The following LRP5 variants were observed in gnomAD, a reference collection of about 807,000 sequenced individuals.
LRP5 encodes LDL receptor related protein 5, also known as low-density lipoprotein receptor-related protein 5.
A neutral mutation model predicts 154.1 loss-of-function variants in LRP5; 62 were observed. The observed-to-expected ratio is 0.40, with a 90% CI of 0.33 to 0.50. The LOEUF (loss-of-function observed/expected upper bound fraction) is 0.50, where lower values mean the gene tolerates loss of function less well. LRP5 is among the 20% of genes least tolerant of loss of function. The probability of loss-of-function intolerance (pLI) is 0.55; values close to 1 mark genes in which losing one functional copy is unlikely to be tolerated. For synonymous variants in LRP5, 966 were observed against 1,011.5 expected, an observed-to-expected ratio of 0.96 and a Z score of 0.85; for missense variants, 1,915 against 2,336.7, an observed-to-expected ratio of 0.82 and a Z score of 3.72.
chr11:68,367,729 G>A (rs531654549), intron 5 of LRP5, among the ~76,000 whole-genome samples: 24 of 152,296 alleles, frequency 1.6e-4, no homozygotes, highest in African/African-American at 5.1e-4. Context: ...GCCGGGGGAC[G>A]GAGGGGAGAG....
At position 68,312,668 on chromosome 11, in the gene LRP5, T is replaced by C; in HGVS notation, c.-47T>C. 4 of 872,906 alleles carry C rather than the reference T, an allele frequency of 4.6e-6. No homozygotes were observed. The highest frequency in any genetic ancestry group is 5.5e-6 in the Non-Finnish European group (4 of 727,400). The allele number at this position is 872,906 out of a possible 1,614,324, so 54.1% of individuals were successfully genotyped here. On this transcript the variant is annotated 5_prime_UTR_variant, in exon 1 of 23. The change abolishes an upstream ATG in the 5' untranslated region. Coordinates refer to ENST00000294304, the MANE Select transcript of LRP5 (RefSeq NM_002335.4). ...GCGAGGAGCCGCCGCCGCCGCGCCA[T>C]GGAGCCCGAGTGAGCGCGGCGCGGG... is the stretch of plus-strand genomic sequence containing the variant.
At chr11:68,414,431 G>A (rs1220387495) in intron 12 of LRP5, among the ~76,000 whole-genome samples, 3 of 152,164 alleles carry the variant, frequency 2.0e-5, no homozygotes, top group Non-Finnish European at 2.9e-5. Context: ...ACCCATCCAA[G>A]GCCATACAAC....
At chr11:68,366,676 A>G (rs981089774) in intron 5 of LRP5, among the ~76,000 whole-genome samples, 1 of 152,142 alleles carries the variant, frequency 6.6e-6, no homozygotes, top group South Asian at 2.1e-4. Flanking sequence ...TAATGAAGAC[A>G]TGGCTGTTAC....
At chr11:68,319,246 T>C (rs1307709114) in intron 1 of LRP5, among the ~76,000 whole-genome samples, 2 of 152,154 alleles carry the variant, frequency 1.3e-5, no homozygotes, top group Non-Finnish European at 2.9e-5. Context: ...TTTTGTATTT[T>C]TAGTAGAGAC....
chr11:68,334,526 T>C (rs1423345876), intron 1 of LRP5, among the ~76,000 whole-genome samples: 1 of 152,226 alleles, frequency 6.6e-6, no homozygotes, highest in Non-Finnish European at 1.5e-5. Flanking sequence ...CTGTAGGTAC[T>C]GCCACACACA....
rs35298380 is a variant in LRP5, at chr11:68,410,030, C to T, written c.2208C>T (p.Asp736=). 181 of 1,614,080 alleles carry T rather than the reference C, an allele frequency of 1.1e-4. No homozygotes were observed. Among genetic ancestry groups the T allele is most frequent in the Non-Finnish European group, 1.5e-4 (174 of 1,179,992 alleles). ...TGGGCAAGAACCTCTACTGGGCCGA[C>T]ACTGGGACCAACAGAATCGAAGTGG... ...DWMGKNLYWA[D]TGTNRIEVAR... Residue 736 remains aspartate (D), a synonymous_variant, in exon 10 of 23, where the codon GAC becomes GAT. Transcript: ENST00000294304.
Position 68,341,059 on chromosome 11 carries a change from C to CCTTTTTTTTTTTTTTTTTTTTTTTTTTT in LRP5, c.92-6788_92-6787insCTTTTTTTTTTTTTTTTTTTTTTTTTTT, listed in dbSNP as rs1555071026. Among the ~76,000 whole-genome samples the CCTTTTTTTTTTTTTTTTTTTTTTTTTTT allele has an allele frequency of 8.1e-4, 68 of 83,476 alleles. 4 individuals are homozygous for CCTTTTTTTTTTTTTTTTTTTTTTTTTTT. The highest frequency in any genetic ancestry group is 1.4e-3 in the African/African-American group (29 of 21,016). 54.8% of individuals were successfully genotyped at this position (83,476 alleles called of 152,430 possible). A position where few individuals can be genotyped will look rare whatever the true frequency, so the allele number is the denominator to read the frequency against. ...GTTACCCCTGCCGCTGGAGATTGTT[C>CCTTTTTTTTTTTTTTTTTTTTTTTTTTT]TTTTTTTTTTTTTTTTTTTGCTATT... On this transcript the variant is annotated intron_variant, in intron 1 of 22. Transcript: ENST00000294304.
intron 17 of LRP5, among the ~76,000 whole-genome samples, chr11:68,431,745 C>G (rs7125942): frequency 0.094 from 14,307 of 152,230 alleles, 895 homozygotes; most frequent in African/African-American, 0.17. Flanking sequence ...TGCAACCCAA[C>G]GGTGTCTGTG....
At chr11:68,335,013 G>T (rs1214827700) in intron 1 of LRP5, among the ~76,000 whole-genome samples, 2 of 151,574 alleles carry the variant, frequency 1.3e-5, no homozygotes, top group Non-Finnish European at 2.9e-5. Flanking sequence ...GAAACATCGG[G>T]CTAGGTTCCT....
intron 11 of LRP5, among the ~76,000 whole-genome samples, chr11:68,412,194 G>A (rs913254722): frequency 6.6e-6 from 1 of 152,170 alleles, no homozygotes; most frequent in Non-Finnish European, 1.5e-5. Flanking sequence ...AGCAACAGGA[G>A]CAGGATTTGA....
intron 13 of LRP5, among the ~76,000 whole-genome samples, chr11:68,418,163 T>C (rs183141608): frequency 1.3e-5 from 2 of 151,374 alleles, no homozygotes; most frequent in African/African-American, 4.8e-5. Context: ...TCCTAGCACT[T>C]TGGGAGGCCG....
chr11:68,323,866 G>A (rs1418519440), intron 1 of LRP5, among the ~76,000 whole-genome samples: 6 of 152,214 alleles, frequency 3.9e-5, no homozygotes, highest in Admixed American at 3.3e-4. Flanking sequence ...TCGCTGCTCA[G>A]GGGGCCCAGG....
chr11:68,376,318 A>G (rs894954215), intron 5 of LRP5, among the ~76,000 whole-genome samples: 7 of 151,656 alleles, frequency 4.6e-5, no homozygotes, highest in Non-Finnish European at 8.8e-5. Context: ...AGTAGCTTGG[A>G]CTATAGGCAC....
chr11:68,384,668 C>G (rs1345163717), intron 5 of LRP5, among the ~76,000 whole-genome samples: 1 of 152,156 alleles, frequency 6.6e-6, no homozygotes, highest in Non-Finnish European at 1.5e-5. Context: ...AACTGGGGGT[C>G]CTAGGACACA....
In LRP5 at chr11:68,386,356, A is replaced by G; in HGVS notation, c.1056A>G (p.Leu352=). 1 of 1,613,234 alleles carries G rather than the reference A, an allele frequency of 6.2e-7. No individual in the cohort carries two copies. The highest frequency in any genetic ancestry group is 8.5e-7 in the Non-Finnish European group (1 of 1,179,962). Residue 352 remains leucine, a synonymous_variant, in exon 6 of 23, where the codon CTA becomes CTG. Coordinates refer to ENST00000294304, the MANE Select transcript of LRP5 (RefSeq NM_002335.4). This position sits in a 1 kb window ranked among gnomAD's most constrained non-coding sequence, Gnocchi z 7.9. ...TGCTGCTGGCCCGGCGGACGGACCT[A>G]CGGAGGATCTCGCTGGACACGCCGG... The part of the protein sequence containing the change: ...EVLLLARRTD[L]RRISLDTPDF...
intron 3 of LRP5, among the ~76,000 whole-genome samples, chr11:68,358,404 C>T (rs1226310587): frequency 3.3e-5 from 5 of 152,242 alleles, no homozygotes; most frequent in Admixed American, 1.3e-4. Flanking sequence ...TGAGCCACCG[C>T]ACCCGGCCCA....
Position 68,353,336 on chromosome 11 carries a change from A to G in LRP5, c.489-4314A>G, listed in dbSNP as rs972771398. 2.0e-5 allele frequency among the ~76,000 whole-genome samples: 3 copies of G among 152,104 alleles called. No homozygotes were observed. The highest frequency in any genetic ancestry group is 7.2e-5 in the African/African-American group (3 of 41,422). ...TTTGAATGAGAGAGTGAAAACAGTG[A>G]GATGCCGGCTCCCACTCATCAGATC... On this transcript the variant is annotated intron_variant, in intron 2 of 22. Coordinates refer to ENST00000294304, the MANE Select transcript of LRP5 (RefSeq NM_002335.4). The surrounding 1 kb of genome is among the most constrained non-coding windows in gnomAD (Gnocchi z 4.5).
chr11:68,323,230 T>G (rs2098597754), intron 1 of LRP5, among the ~76,000 whole-genome samples: 1 of 152,180 alleles, frequency 6.6e-6, no homozygotes, highest in South Asian at 2.1e-4. Flanking sequence ...TGCCTCAGCT[T>G]CCTGAGTAGC....
At position 68,449,196 on chromosome 11, in the gene LRP5, G is replaced by C; in HGVS notation, c.*126G>C. On this transcript the variant is annotated 3_prime_UTR_variant, in exon 23 of 23. Transcript: ENST00000294304. ...GGGATTTTAAAAACATGAGAAATGT[G>C]AACTGTGATGGGGTGGGCAGGGCTG... is the stretch of plus-strand genomic sequence containing the variant. The C allele has an allele frequency of 2.3e-6, 1 of 433,946 alleles. No homozygotes were observed. Among genetic ancestry groups the C allele is most frequent in the Non-Finnish European group, 3.9e-6 (1 of 258,714 alleles). The allele number at this position is 433,946 out of a possible 1,614,324, so 26.9% of individuals were successfully genotyped here.
Sources: allele counts gnomAD v4.1 joint callset (sites outside exome capture counted in the v4.1 genomes callset), GRCh38; gene constraint gnomAD v4.1.1; non-coding constraint Gnocchi (gnomAD v3.1); transcripts MANE v1.5; gene names NCBI Gene and HGNC (gene_info 2026-07-23, HGNC 2026-07-21).